Variants in RAB10 observed in about 807,000 individuals in gnomAD.
RAB10 encodes the protein ras-related protein Rab-10.
Under a neutral mutation model 25.7 loss-of-function variants are expected in RAB10, and 5 were observed. That is an observed-to-expected ratio of 0.19 (90% CI 0.10 to 0.41). The LOEUF (loss-of-function observed/expected upper bound fraction) is 0.41. Ranked by LOEUF, RAB10 falls within the 10% of genes least tolerant of loss-of-function variation. The probability of loss-of-function intolerance (pLI) is 1.00; values close to 1 mark genes in which losing one functional copy is unlikely to be tolerated. For synonymous variants in RAB10, 89 were observed against 86.4 expected, an observed-to-expected ratio of 1.03 and a Z score of -0.16; for missense variants, 103 against 245.8, an observed-to-expected ratio of 0.42 and a Z score of 3.89.
intron 1 of RAB10, among the ~76,000 whole-genome samples, chr2:26,046,282 G>A (rs1348080422): frequency 1.3e-5 from 2 of 151,476 alleles, no homozygotes; most frequent in African/African-American, 2.4e-5. Flanking sequence ...CCGAGATCAC[G>A]TCATTGCACT....
intron 1 of RAB10, among the ~76,000 whole-genome samples, chr2:26,065,730 A>G (rs1366080371): frequency 6.6e-6 from 1 of 152,178 alleles, no homozygotes; most frequent in Non-Finnish European, 1.5e-5. Context: ...TGTCATTTAT[A>G]TGTATTTAAT....
At chr2:26,033,841 T>A (rs972540835), upstream of RAB10, among the ~76,000 whole-genome samples, 21 of 152,112 alleles carry the variant, frequency 1.4e-4, no homozygotes, top group African/African-American at 4.1e-4. Flanking sequence ...CTAGGTAGCG[T>A]CTCCCCCGGG....
chr2:26,053,524 AGT>A (rs1666178711), intron 1 of RAB10, among the ~76,000 whole-genome samples: 1 of 152,204 alleles, frequency 6.6e-6, no homozygotes, highest in South Asian at 2.1e-4. Flanking sequence ...AGAGGATTTC[AGT>A]GGGTCCTATA....
intron 1 of RAB10, 142 bp downstream of exon 1, chr2:26,034,877 G>A: frequency 7.8e-7 from 1 of 1,282,542 alleles, no homozygotes; most frequent in South Asian, 1.4e-5. Flanking sequence ...TGTTTGAATC[G>A]GCATCGAGCT....
At position 26,135,080 on chromosome 2, in the gene RAB10, A is replaced by G; in HGVS notation, c.*59A>G. The stretch of plus-strand genomic sequence containing the variant: ...CCCCGTTTTCTCTTCTTGCTGCAAA[A>G]TAAACCACTCTGTCCATTTTTAACT... On this transcript the variant is annotated 3_prime_UTR_variant, in exon 6 of 6. Transcript: ENST00000264710. 1 of 1,370,296 alleles carries G rather than the reference A, an allele frequency of 7.3e-7. No homozygotes were observed. Among genetic ancestry groups the G allele is most frequent in the East Asian group, 2.4e-5 (1 of 42,552 alleles). The allele number at this position is 1,370,296 out of a possible 1,614,324, so 84.9% of individuals were successfully genotyped here. A position where few individuals can be genotyped will look rare whatever the true frequency, so the allele number is the denominator to read the frequency against.
At position 26,104,239 on chromosome 2, in the gene RAB10, C is replaced by T. The variant is rs545602391; in HGVS notation, c.188+5517C>T. Among the ~76,000 whole-genome samples, 14 of 152,268 alleles carry T rather than the reference C, an allele frequency of 9.2e-5. No homozygotes were observed. The South Asian group carries it at 2.5e-3, about 27-fold the overall frequency. ...CCCAATTTCTCTACATCCTCACTAACGTATATTGTCGTTTGGGTCATAGCC... is the reference window on the plus strand; with the variant it reads ...CCCAATTTCTCTACATCCTCACTAATGTATATTGTCGTTTGGGTCATAGCC... On this transcript the variant is annotated intron_variant, in intron 2 of 5. Transcript: ENST00000264710.
At chr2:26,086,271 A>G (rs1666986186) in intron 1 of RAB10, among the ~76,000 whole-genome samples, 1 of 152,188 alleles carries the variant, frequency 6.6e-6, no homozygotes, top group Admixed American at 6.5e-5. Flanking sequence ...GGGCAACAAG[A>G]GCGAAACTCT....
chr2:26,080,348 A>T (rs1193870736), intron 1 of RAB10, among the ~76,000 whole-genome samples: 1 of 152,204 alleles, frequency 6.6e-6, no homozygotes, highest in Non-Finnish European at 1.5e-5. Flanking sequence ...TACACTAAAA[A>T]TTGTTGCGGC....
At chr2:26,094,146 G>A (rs1412447323) in intron 1 of RAB10, among the ~76,000 whole-genome samples, 1 of 151,936 alleles carries the variant, frequency 6.6e-6, no homozygotes, top group Non-Finnish European at 1.5e-5. Flanking sequence ...ACCTTGGCCT[G>A]CCAAAGTGCT....
rs763932535 is a variant in RAB10 at position 26,034,575 on chromosome 2, C to T, written c.-34C>T. 6.2e-6 allele frequency: 10 copies of T among 1,611,890 alleles called. No individual in the cohort carries two copies. The African/African-American group carries it at 8.0e-5, about 13-fold the overall frequency. On this transcript the variant is annotated 5_prime_UTR_variant, in exon 1 of 6. Coordinates refer to ENST00000264710, the MANE Select transcript of RAB10 (RefSeq NM_016131.5). ...AGTGAGAGGGACCGATCCCTTGGGG[C>T]CGCCGGCGGCGAGAGCCCGAGCCGC...
chr2:26,036,855 T>C, intron 1 of RAB10, among the ~76,000 whole-genome samples: 1 of 151,342 alleles, frequency 6.6e-6, no homozygotes, highest in East Asian at 2.0e-4. Context: ...AGTGGCGTGA[T>C]CTCGGCCCAC....
At chr2:26,057,553 T>A (rs560558815) in intron 1 of RAB10, among the ~76,000 whole-genome samples, 1 of 151,206 alleles carries the variant, frequency 6.6e-6, no homozygotes, top group Non-Finnish European at 1.5e-5. Flanking sequence ...GGGGGGATGG[T>A]GTAGAGAAAA....
chr2:26,092,612 G>GA (rs1421645540), intron 1 of RAB10, among the ~76,000 whole-genome samples: 1 of 152,122 alleles, frequency 6.6e-6, no homozygotes, highest in Admixed American at 6.5e-5. Context: ...GTAGGTACCT[G>GA]AAAACAGCCC....
At chr2:26,116,899 G>A (rs534551107) in intron 3 of RAB10, among the ~76,000 whole-genome samples, 1 of 150,934 alleles carries the variant, frequency 6.6e-6, no homozygotes, top group African/African-American at 2.4e-5. Flanking sequence ...GGGTCTTGCT[G>A]TGTTGCCCAG....
chr2:26,071,691 A>C (rs1666630094), intron 1 of RAB10, among the ~76,000 whole-genome samples: 2 of 9,910 alleles, frequency 2.0e-4, no homozygotes, highest in South Asian at 5.7e-3. Flanking sequence ...TTCATCTCAA[A>C]AAAAAAAAAA....
At chr2:26,082,730 G>C (rs376596846) in intron 1 of RAB10, among the ~76,000 whole-genome samples, 84 of 152,242 alleles carry the variant, frequency 5.5e-4, no homozygotes, top group African/African-American at 1.9e-3. Context: ...AAATGCAAGA[G>C]GGTATGCTTT....
Position 26,039,752 on chromosome 2 carries a change from C to T in RAB10, c.127+5017C>T, listed in dbSNP as rs191172981. Among the ~76,000 whole-genome samples, 33 of 152,086 alleles carry T rather than the reference C, an allele frequency of 2.2e-4. No homozygotes were observed. The East Asian group carries it at 6.4e-3, about 30-fold the overall frequency. On this transcript the variant is annotated intron_variant, in intron 1 of 5. Transcript: ENST00000264710. ...TTGAGGGCAGGCTCAGTGGCTCACA[C>T]CTGTAATCCCAGCACTTTGGCAGGC...
At chr2:26,033,441 G>C (rs556363135), upstream of RAB10, among the ~76,000 whole-genome samples, 9 of 152,360 alleles carry the variant, frequency 5.9e-5, no homozygotes, top group South Asian at 1.9e-3. Flanking sequence ...CCCGAGCGGC[G>C]TGGCCAGCTT....
rs201223616 is a variant in RAB10 at position 26,099,843 on chromosome 2, A to AT, written c.188+1130dup. ...AGGTGTGAGCCACTGCGCCTGGTCAATTTTTTTTTAACATTCTAGATCCCA... is the reference window on the plus strand; with the variant it reads ...AGGTGTGAGCCACTGCGCCTGGTCAATTTTTTTTTTAACATTCTAGATCCCA... On this transcript the variant is annotated intron_variant, in intron 2 of 5. Coordinates refer to ENST00000264710, the MANE Select transcript of RAB10 (RefSeq NM_016131.5). Among the ~76,000 whole-genome samples the AT allele has an allele frequency of 3.1e-3, 472 of 151,020 alleles. 5 individuals carry two copies. Among genetic ancestry groups the AT allele is most frequent in the South Asian group, 9.0e-3 (43 of 4,762 alleles).
Sources: allele counts gnomAD v4.1 joint callset (sites outside exome capture counted in the v4.1 genomes callset), GRCh38; gene constraint gnomAD v4.1.1; transcripts MANE v1.5; gene names NCBI Gene and HGNC (gene_info 2026-07-23, HGNC 2026-07-21).